FBXL18: variants seen among roughly 807,000 people sequenced by gnomAD.
FBXL18 encodes the protein F-box/LRR-repeat protein 18.
FBXL18 carries 36 observed loss-of-function variants against 46.0 expected under a neutral mutation model. That is an observed-to-expected ratio of 0.78 (90% CI 0.60 to 1.03). The LOEUF is 1.03. Among genes scored for constraint, FBXL18 ranks in the 50% least tolerant of loss-of-function variants. The pLI is 0.00. For synonymous variants in FBXL18, 557 were observed against 465.3 expected (o/e 1.20, Z -2.54); for missense variants, 977 against 1,004.1 (o/e 0.97, Z 0.36).
chr7:5,512,244 CAA>C (rs544569914), intron 1 of FBXL18, among the ~76,000 whole-genome samples: 1 of 60,818 alleles, frequency 1.6e-5, no homozygotes, highest in Non-Finnish European at 3.1e-5. Flanking sequence ...GACTCCGTCT[CAA>C]AAAAAAAAAA....
chr7:5,502,023 C>A lies in FBXL18; in HGVS notation c.246G>T (p.Glu82Asp), dbSNP rs369920080. 2.5e-6 allele frequency: 4 copies of A among 1,591,978 alleles called. No homozygotes were observed. The African/African-American group carries it at 5.3e-5, about 21-fold the overall frequency. Residue 82 changes from glutamate (E) to aspartate (D), a missense_variant, in exon 3 of 5, where the codon GAG (glutamate) becomes GAT (aspartate). By Grantham distance (45) the Glu-to-Asp change is conservative. Coordinates refer to ENST00000382368, the MANE Select transcript of FBXL18 (RefSeq NM_024963.6). ...VLLQKDYQAS[E>D]DKVRQLVKEI... Reference sequence around the variant, plus strand: ...CCTTCACCAGCTGCCTCACTTTGTCCTCGCTCGCCTGCGGGACAGAGGCAG... The same window carrying A: ...CCTTCACCAGCTGCCTCACTTTGTCATCGCTCGCCTGCGGGACAGAGGCAG...
intron 3 of FBXL18, among the ~76,000 whole-genome samples, chr7:5,494,316 A>G (rs889240776): frequency 1.3e-5 from 2 of 151,516 alleles, no homozygotes; most frequent in African/African-American, 4.8e-5. Flanking sequence ...GGGCATGCCC[A>G]TTATCCCAGC....
chr7:5,497,635 G>T lies in FBXL18; in HGVS notation c.1781+2853C>A, dbSNP rs558722403. On this transcript the variant is annotated intron_variant, in intron 3 of 4. Coordinates refer to ENST00000382368, the MANE Select transcript of FBXL18 (RefSeq NM_024963.6). ...TCCCGAGCAGACCCGGCCACTTCCT[G>T]CCATGCCTTCTGCGGGAGAGGGGAG... 1.9e-4 allele frequency among the ~76,000 whole-genome samples: 29 copies of T among 152,294 alleles called. 1 individual carries two copies. The highest frequency in any genetic ancestry group is 3.4e-4 in the Non-Finnish European group (23 of 68,022).
chr7:5,485,763 C>T (rs1213325188), intron 4 of FBXL18, among the ~76,000 whole-genome samples: 5 of 151,812 alleles, frequency 3.3e-5, no homozygotes, highest in African/African-American at 7.3e-5. Context: ...CAAAATTAGC[C>T]GGGTGTGGCC....
At chr7:5,508,608 C>CA (rs553020796) in intron 1 of FBXL18, among the ~76,000 whole-genome samples, 13,228 of 135,666 alleles carry the variant, frequency 0.098, 601 homozygotes, top group Admixed American at 0.12. Context: ...GACCTTGTCT[C>CA]AAAAAAAAAA....
At chr7:5,510,379 C>CA (rs1008559997) in intron 1 of FBXL18, among the ~76,000 whole-genome samples, 3 of 147,378 alleles carry the variant, frequency 2.0e-5, no homozygotes, top group Non-Finnish European at 3.0e-5. Flanking sequence ...CTCGTCTCTA[C>CA]AAAAAAATTA....
chr7:5,492,542 C>T (rs540279119), intron 3 of FBXL18, among the ~76,000 whole-genome samples: 42 of 151,904 alleles, frequency 2.8e-4, no homozygotes, highest in Non-Finnish European at 5.3e-4. Flanking sequence ...GCTGCGACGC[C>T]CCCCCACACA....
intron 3 of FBXL18, among the ~76,000 whole-genome samples, chr7:5,495,594 G>A (rs868123176): frequency 3.3e-5 from 5 of 152,166 alleles, no homozygotes; most frequent in Admixed American, 2.6e-4. Flanking sequence ...CACGGTGTGG[G>A]GGCTGCCAGT....
intron 4 of FBXL18, among the ~76,000 whole-genome samples, chr7:5,454,488 A>AT (rs903595974): frequency 8.0e-5 from 12 of 149,800 alleles, no homozygotes; most frequent in African/African-American, 2.2e-4. Flanking sequence ...AGAAAGTGTT[A>AT]TTTTTTTTTT....
At position 5,481,838 on chromosome 7, in the gene FBXL18, G is replaced by A. The variant is rs957620479; in HGVS notation, c.2094C>T (p.His698=). 2 of 1,613,742 alleles carry A rather than the reference G, an allele frequency of 1.2e-6. No individual in the cohort carries two copies. Among genetic ancestry groups the A allele is most frequent in the South Asian group, 1.1e-5 (1 of 91,094 alleles). The change falls in exon 5 of 5, where the codon CAC becomes CAT. Residue 698 remains histidine, a synonymous_variant. Coordinates refer to ENST00000382368, the MANE Select transcript of FBXL18 (RefSeq NM_024963.6). The stretch of plus-strand genomic sequence containing the variant: ...TCTTAAATAAGGTGATCTCATCCAG[G>A]TGCACCAGGGGGACGTCCCGGATGA... ...TDVIRDVPLV[H]LDEITLFKSR...
chr7:5,467,916 C>G (rs1783366181), intron 4 of FBXL18, among the ~76,000 whole-genome samples: 1 of 151,818 alleles, frequency 6.6e-6, no homozygotes, highest in Non-Finnish European at 1.5e-5. Flanking sequence ...TGGAGGAACC[C>G]AAGAGGCTGC....
rs551447856 is a variant in FBXL18, at chr7:5,456,359, G to A, written c.2001-8516C>T. On this transcript the variant is annotated intron_variant and NMD_transcript_variant, in intron 4 of 6. Coordinates refer to the FBXL18 transcript ENST00000415009. Reference sequence around the variant, plus strand: ...AAGGCAGTGAGCTTGGGGGCAGCTCGAATCAGTGGGAGGACAAACCAAGGG... The same window carrying A: ...AAGGCAGTGAGCTTGGGGGCAGCTCAAATCAGTGGGAGGACAAACCAAGGG... 5.0e-4 allele frequency among the ~76,000 whole-genome samples: 76 copies of A among 152,314 alleles called. 1 individual carries two copies. The highest frequency in any genetic ancestry group is 1.4e-3 in the East Asian group (7 of 5,182).
chr7:5,470,765 G>A (rs1584189540), intron 4 of FBXL18, among the ~76,000 whole-genome samples: 1 of 151,988 alleles, frequency 6.6e-6, no homozygotes, highest in African/African-American at 2.4e-5. Flanking sequence ...ACAGCAGAGT[G>A]GCCCCCGGCA....
At chr7:5,474,052 C>G (rs931960354), downstream of FBXL18, among the ~76,000 whole-genome samples, 1 of 152,108 alleles carries the variant, frequency 6.6e-6, no homozygotes, top group Admixed American at 6.5e-5. Context: ...CAGCCTTGGC[C>G]TCTCCAACTG....
In FBXL18 at chr7:5,463,738, T is replaced by TTTA. The variant is rs1783297907; in HGVS notation, c.2001-15896_2001-15895insTAA. 2.4e-4 allele frequency among the ~76,000 whole-genome samples: 15 copies of TTTA among 63,580 alleles called. No homozygotes were observed. In the East Asian group the frequency reaches 6.7e-3, roughly 29 times the overall value. 41.7% of individuals were successfully genotyped at this position (63,580 alleles called of 152,430 possible). A position where few individuals can be genotyped will look rare whatever the true frequency, so the allele number is the denominator to read the frequency against. On this transcript the variant is annotated intron_variant and NMD_transcript_variant, in intron 4 of 6. Coordinates refer to the FBXL18 transcript ENST00000415009. ...TTTATTTATTTATTTATTTTTTTTT[T>TTTA]TTTTTTTTTTTTTTTTTTTTGAGAC... is the stretch of plus-strand genomic sequence containing the variant.
At chr7:5,487,962 A>G (rs1783819272) in intron 4 of FBXL18, among the ~76,000 whole-genome samples, 1 of 152,252 alleles carries the variant, frequency 6.6e-6, no homozygotes, top group South Asian at 2.1e-4. Flanking sequence ...CCACGCAGCA[A>G]GCATGGGTGA....
Position 5,476,887 on chromosome 7 carries a change from TTTTG to T in FBXL18, c.*4884_*4887del, listed in dbSNP as rs1224633137. 7 of 150,614 alleles carry T rather than the reference TTTTG, an allele frequency of 4.6e-5. No homozygotes were observed. Among genetic ancestry groups the T allele is most frequent in the African/African-American group, 1.5e-4 (6 of 40,730 alleles). The allele number at this position is 150,614 out of a possible 1,614,324, so 9.3% of individuals were successfully genotyped here. Reference sequence around the variant, plus strand: ...CATGCCCAGTAGATCTAGAAACTTCTTTTGTTTTTTTTTTTTTTGAGACGGAGTC... The same window carrying T: ...CATGCCCAGTAGATCTAGAAACTTCTTTTTTTTTTTTTTTGAGACGGAGTC... On this transcript the variant is annotated 3_prime_UTR_variant, in exon 5 of 5. Transcript: ENST00000382368.
At position 5,501,151 on chromosome 7, in the gene FBXL18, C is replaced by G. The variant is rs1277287115; in HGVS notation, c.1118G>C (p.Ser373Thr). The G allele has an allele frequency of 6.2e-7, 1 of 1,613,126 alleles. No homozygotes were observed. The highest frequency in any genetic ancestry group is 1.1e-5 in the South Asian group (1 of 91,052). The change falls in exon 3 of 5, where the codon AGC becomes ACC. Residue 373 changes from serine (S) to threonine (T), a missense_variant. By Grantham distance (58) the Ser-to-Thr change is moderately conservative (BLOSUM62 1). Transcript: ENST00000382368. The stretch of plus-strand genomic sequence containing the variant: ...GGACGCCACCAGAGTCTCCAGGATG[C>G]TGCTGTCGATGTCGTCCTCCGCCTT... ...LRKAEDDIDS[S>T]ILETLVASCC... is the part of the protein sequence containing the mutation.
intron 4 of FBXL18, among the ~76,000 whole-genome samples, chr7:5,461,008 C>CA (rs1208945119): frequency 6.6e-6 from 1 of 152,204 alleles, no homozygotes; most frequent in Non-Finnish European, 1.5e-5. Context: ...TTTCCTTCCA[C>CA]GCACAAGTGC....
Sources: allele counts gnomAD v4.1 joint callset (sites outside exome capture counted in the v4.1 genomes callset), GRCh38; gene constraint gnomAD v4.1.1; transcripts MANE v1.5; gene names NCBI Gene and HGNC (gene_info 2026-07-23, HGNC 2026-07-21).